The following PRDM11 variants were observed in gnomAD, a reference collection of about 807,000 sequenced individuals.
PRDM11 encodes the protein PR domain-containing protein 11.
PRDM11 carries 20 observed loss-of-function variants against 97.8 expected under a neutral mutation model. The ratio of observed to expected loss-of-function variants is 0.20; its 90% CI spans 0.14 to 0.30. The LOEUF (loss-of-function observed/expected upper bound fraction) is 0.30, where lower values mean the gene tolerates loss of function less well. Ranked by LOEUF, PRDM11 falls within the 10% of genes least tolerant of loss-of-function variation. PRDM11 has a pLI of 1.00. For missense variants in PRDM11, 1,139 were observed against 1,555.2 expected, an observed-to-expected ratio of 0.73 and a Z score of 4.50; for synonymous variants, 599 against 637.7, an observed-to-expected ratio of 0.94 and a Z score of 0.91.
intron 1 of PRDM11, among the ~76,000 whole-genome samples, chr11:45,111,363 T>TA (rs1852175289): frequency 6.7e-5 from 10 of 148,512 alleles, no homozygotes; most frequent in Admixed American, 2.7e-4. Flanking sequence ...CCAACATTGC[T>TA]TCGGACCAAC....
At chr11:45,181,144 A>G (rs1413211480) in intron 1 of PRDM11, among the ~76,000 whole-genome samples, 2 of 152,110 alleles carry the variant, frequency 1.3e-5, no homozygotes, top group East Asian at 3.9e-4. Flanking sequence ...GAGGGGCTGA[A>G]GCCCGGCGCG....
At chr11:45,127,980 A>G (rs948615294) in intron 1 of PRDM11, among the ~76,000 whole-genome samples, 15 of 152,166 alleles carry the variant, frequency 9.9e-5, no homozygotes, top group Non-Finnish European at 2.1e-4. Flanking sequence ...GGCCTCCTTG[A>G]GCTGTGGTGG....
At chr11:45,153,660 C>T (rs1008551011) in intron 1 of PRDM11, among the ~76,000 whole-genome samples, 6 of 152,214 alleles carry the variant, frequency 3.9e-5, no homozygotes, top group Admixed American at 2.6e-4. Context: ...TCATGGTGCC[C>T]CACTGTCTTG....
At chr11:45,101,567 A>AAAGAAGAAGAAGAAGAAG (rs1554963213) in intron 1 of PRDM11, among the ~76,000 whole-genome samples, 2 of 96,834 alleles carry the variant, frequency 2.1e-5, no homozygotes, top group South Asian at 2.8e-4. Context: ...AAAAAAAAAA[A>AAAGAAGAAGAAGAAGAAG]AAGAAGAAGA....
intron 1 of PRDM11, among the ~76,000 whole-genome samples, chr11:45,154,677 A>G (rs989939532): frequency 1.3e-5 from 2 of 151,746 alleles, no homozygotes; most frequent in Non-Finnish European, 2.9e-5. Context: ...TGTCTCCCCT[A>G]CCTCATCCGA....
In PRDM11 at chr11:45,226,137, C is replaced by A. The variant is rs1195546997; in HGVS notation, c.1512C>A (p.Ile504=). Residue 504 remains isoleucine (I), a synonymous_variant, in exon 8 of 8, where the codon ATC becomes ATA. Transcript: ENST00000683152. ...TGTCATCGGCCACCGGGCGCCGAAT[C>A]CGGCGCTTTAAGCAGGAATGGCTGA... ...SKMSSATGRR[I]RRFKQEWLKK... 11 of 1,533,154 alleles carry A rather than the reference C, an allele frequency of 7.2e-6. No homozygotes were observed. Among genetic ancestry groups the A allele is most frequent in the African/African-American group, 2.7e-5 (2 of 72,986 alleles). The allele number at this position is 1,533,154 out of a possible 1,614,324, so 95.0% of individuals were successfully genotyped here.
intron 1 of PRDM11, among the ~76,000 whole-genome samples, chr11:45,125,451 T>A (rs1487482033): frequency 6.6e-6 from 1 of 152,218 alleles, no homozygotes; most frequent in Non-Finnish European, 1.5e-5. Flanking sequence ...ATTTTGGATC[T>A]TTCCTGTTTT....
intron 1 of PRDM11, among the ~76,000 whole-genome samples, chr11:45,156,464 G>A (rs943053537): frequency 7.9e-5 from 12 of 152,252 alleles, no homozygotes; most frequent in Non-Finnish European, 1.6e-4. Flanking sequence ...CCAGGCAATG[G>A]AGACCGTGGT....
intron 1 of PRDM11, among the ~76,000 whole-genome samples, chr11:45,163,528 C>T (rs531057973): frequency 2.0e-5 from 3 of 152,104 alleles, no homozygotes; most frequent in Non-Finnish European, 4.4e-5. Flanking sequence ...TAACTCCCAC[C>T]TCAGCTGCTC....
chr11:45,180,025 G>T (rs1204878498), intron 1 of PRDM11, among the ~76,000 whole-genome samples: 1 of 152,226 alleles, frequency 6.6e-6, no homozygotes, highest in African/African-American at 2.4e-5. Flanking sequence ...GGTGATCCCA[G>T]CGATTGTTCG....
rs188534053 is a variant in PRDM11, at chr11:45,226,431, G to A, written c.1806G>A (p.Glu602=). The A allele has an allele frequency of 5.4e-4, 833 of 1,534,010 alleles. 3 individuals are homozygous for A. The African/African-American group carries it at 9.7e-3, about 18-fold the overall frequency. The change falls in exon 8 of 8, where the codon GAG becomes GAA. Residue 602 remains glutamate, a synonymous_variant. Coordinates refer to ENST00000683152, the MANE Select transcript of PRDM11 (RefSeq NM_001384648.1). Reference sequence around the variant, plus strand: ...ACACCGCCTACCACCTGGCCTTGGAGGGCAGGCCCTACCTGGACTTCCGGC... The same window carrying A: ...ACACCGCCTACCACCTGGCCTTGGAAGGCAGGCCCTACCTGGACTTCCGGC... ...LFNTAYHLAL[E]GRPYLDFRPL... is the part of the protein sequence containing the mutation.
rs1005052930 is a variant in PRDM11 at position 45,110,945 on chromosome 11, TTTTC to T, written c.96+15050_96+15053del. 2.6e-4 allele frequency among the ~76,000 whole-genome samples: 40 copies of T among 151,974 alleles called. 1 individual carries two copies. The highest frequency in any genetic ancestry group is 2.5e-3 in the Admixed American group (38 of 15,252). The stretch of plus-strand genomic sequence containing the variant: ...TCAGATTCCCCCCTTACCCCCCTTT[TTTTC>T]TTTCTATTTCCACAACTATTTTTAA... On this transcript the variant is annotated intron_variant, in intron 1 of 6. Transcript: ENST00000530656.
At chr11:45,221,153 C>T (rs2135844778) in intron 6 of PRDM11, among the ~76,000 whole-genome samples, 1 of 152,326 alleles carries the variant, frequency 6.6e-6, no homozygotes, top group South Asian at 2.1e-4. Context: ...ATTGAGTGCA[C>T]AGCTGCTGCC....
At chr11:45,139,811 G>A (rs920917014) in intron 1 of PRDM11, among the ~76,000 whole-genome samples, 16 of 152,138 alleles carry the variant, frequency 1.1e-4, no homozygotes, top group African/African-American at 3.9e-4. Flanking sequence ...ACATAGGAAG[G>A]GACTGTAGGT....
chr11:45,150,902 T>C (rs1023226045), intron 1 of PRDM11, among the ~76,000 whole-genome samples: 1 of 152,204 alleles, frequency 6.6e-6, no homozygotes, highest in African/African-American at 2.4e-5. Flanking sequence ...AGGTAGATAT[T>C]ATTTCTGTTT....
chr11:45,117,349 CTGATA>C (rs1207637063), intron 1 of PRDM11, among the ~76,000 whole-genome samples: 1 of 151,866 alleles, frequency 6.6e-6, no homozygotes, highest in Non-Finnish European at 1.5e-5. Context: ...TAAGTCCATA[CTGATA>C]TAAGTCACTG....
At position 45,228,992 on chromosome 11, in the gene PRDM11, C is replaced by G. The variant is rs1565356125; in HGVS notation, c.*833C>G. The G allele has an allele frequency of 1.3e-5, 2 of 152,104 alleles. No individual in the cohort carries two copies. The highest frequency in any genetic ancestry group is 4.8e-5 in the African/African-American group (2 of 41,414). The allele number at this position is 152,104 out of a possible 1,614,324, so 9.4% of individuals were successfully genotyped here. A position where few individuals can be genotyped will look rare whatever the true frequency, so the allele number is the denominator to read the frequency against. On this transcript the variant is annotated 3_prime_UTR_variant, in exon 8 of 8. Coordinates refer to ENST00000683152, the MANE Select transcript of PRDM11 (RefSeq NM_001384648.1). The stretch of plus-strand genomic sequence containing the variant: ...GAAGGGAGAAGGGGTAAGCTTTTAG[C>G]ATTCCTGTTTTTACGAGGTGGAGGA...
At chr11:45,138,685 T>A (rs992769728) in intron 1 of PRDM11, among the ~76,000 whole-genome samples, 3 of 152,126 alleles carry the variant, frequency 2.0e-5, no homozygotes, top group African/African-American at 7.2e-5. Flanking sequence ...TAAAGTCACA[T>A]CCCTATGCTA....
chr11:45,169,651 T>G (rs1317739209), intron 1 of PRDM11, among the ~76,000 whole-genome samples: 3 of 152,212 alleles, frequency 2.0e-5, no homozygotes, highest in African/African-American at 7.2e-5. Flanking sequence ...CATGCTTAGC[T>G]TTCCAATAAT....
Sources: gnomAD v4.1 joint callset for allele counts (sites outside exome capture counted in the v4.1 genomes callset) on GRCh38, gnomAD v4.1.1 for gene constraint, MANE v1.5 for transcripts, NCBI Gene and HGNC (gene_info 2026-07-23, HGNC 2026-07-21) for gene names.